Variants in GREB1L observed in about 807,000 individuals in gnomAD.
GREB1L encodes GREB1-like protein.
GREB1L carries 17 observed loss-of-function variants against 200.8 expected under a neutral mutation model. The ratio of observed to expected loss-of-function variants is 0.08; its 90% confidence interval spans 0.06 to 0.13. GREB1L has a LOEUF of 0.13. Ranked by LOEUF, GREB1L falls within the 10% of genes least tolerant of loss-of-function variation. The pLI, the probability that GREB1L is intolerant of heterozygous loss-of-function variation, is 1.00. For synonymous variants in GREB1L, 789 were observed against 893.0 expected (o/e 0.88, Z 2.08); for missense variants, 1,657 against 2,367.7 (o/e 0.70, Z 6.23).
intron 5 of GREB1L, among the ~76,000 whole-genome samples, chr18:21,396,404 C>A (rs1467349725): frequency 6.6e-6 from 1 of 152,072 alleles, no homozygotes; most frequent in Non-Finnish European, 1.5e-5. Context: ...TTTGACCAGA[C>A]ATTTTTAAAA....
At chr18:21,405,168 T>G (rs1029905193) in intron 7 of GREB1L, among the ~76,000 whole-genome samples, 7 of 152,224 alleles carry the variant, frequency 4.6e-5, no homozygotes, top group African/African-American at 1.7e-4. Context: ...GGCTCTGATC[T>G]AAGAGAATAG....
chr18:21,500,723 C>A, intron 23 of GREB1L, 81 bp downstream of exon 23: 1 of 1,012,294 alleles, frequency 9.9e-7, no homozygotes, highest in Non-Finnish European at 1.4e-6. Context: ...TTGCTTTTGG[C>A]TTCTGGGATT....
At chr18:21,503,500 C>G (rs1160362721) in intron 23 of GREB1L, among the ~76,000 whole-genome samples, 2 of 151,848 alleles carry the variant, frequency 1.3e-5, no homozygotes, top group African/African-American at 4.8e-5. Flanking sequence ...GCCACTGCAC[C>G]TGGCCACTAA....
At chr18:21,394,931 TAAAAA>T (rs745423470) in intron 4 of GREB1L, among the ~76,000 whole-genome samples, 2 of 82,672 alleles carry the variant, frequency 2.4e-5, no homozygotes, top group African/African-American at 9.9e-5. Flanking sequence ...CCATCTCTAC[TAAAAA>T]AAAAAAAAAA....
intron 1 of GREB1L, among the ~76,000 whole-genome samples, chr18:21,254,163 G>A (rs1176039488): frequency 5.5e-5 from 8 of 144,280 alleles, no homozygotes; most frequent in South Asian, 2.2e-4. Flanking sequence ...TCCACCTCCC[G>A]GGTTCAAGCG....
chr18:21,296,626 G>A (rs993916403), intron 1 of GREB1L, among the ~76,000 whole-genome samples: 3 of 151,394 alleles, frequency 2.0e-5, no homozygotes, highest in Non-Finnish European at 4.4e-5. Flanking sequence ...AAATACAACA[G>A]CACCCCAATC....
chr18:21,413,652 A>C (rs2031321671), intron 7 of GREB1L, among the ~76,000 whole-genome samples: 1 of 152,152 alleles, frequency 6.6e-6, no homozygotes, highest in Non-Finnish European at 1.5e-5. Flanking sequence ...CTAACATAGT[A>C]CCTGGCATGC....
chr18:21,326,902 T>G (rs1358578619), intron 1 of GREB1L, among the ~76,000 whole-genome samples: 1 of 152,224 alleles, frequency 6.6e-6, no homozygotes, highest in East Asian at 1.9e-4. Flanking sequence ...ATGAAGCCTT[T>G]TGGTAGATGT....
intron 17 of GREB1L, among the ~76,000 whole-genome samples, chr18:21,477,643 G>A (rs980757429): frequency 6.6e-6 from 1 of 151,858 alleles, no homozygotes; most frequent in African/African-American, 2.4e-5. Context: ...AAAATTAGCC[G>A]GGTGTGCTGG....
chr18:21,468,210 GAAAT>G (rs1444890912), intron 15 of GREB1L, among the ~76,000 whole-genome samples: 1 of 152,100 alleles, frequency 6.6e-6, no homozygotes, highest in East Asian at 1.9e-4. Flanking sequence ...ACAATAAAGA[GAAAT>G]AAAGTATTGA....
At position 21,523,337 on chromosome 18, in the gene GREB1L, A is replaced by T. The variant is rs936149815; in HGVS notation, c.*516A>T. On this transcript the variant is annotated 3_prime_UTR_variant, in exon 33 of 33. Coordinates refer to ENST00000424526, the MANE Select transcript of GREB1L (RefSeq NM_001142966.3). ...TAGAATGTAGACGATATTTGTATTTAAAAAAAGAAGTAGCTTTGTCTTTCT... is the reference window on the plus strand; with the variant it reads ...TAGAATGTAGACGATATTTGTATTTTAAAAAAGAAGTAGCTTTGTCTTTCT... The T allele has an allele frequency of 2.4e-4, 37 of 152,302 alleles. No individual in the cohort carries two copies. The highest frequency in any genetic ancestry group is 8.7e-4 in the African/African-American group (36 of 41,556). 9.4% of individuals were successfully genotyped at this position (152,302 alleles called of 1,614,324 possible). A position where few individuals can be genotyped will look rare whatever the true frequency, so the allele number is the denominator to read the frequency against.
At chr18:21,460,916 G>C (rs973434004) in intron 15 of GREB1L, among the ~76,000 whole-genome samples, 3 of 151,686 alleles carry the variant, frequency 2.0e-5, no homozygotes, top group African/African-American at 7.3e-5. Context: ...GGCCAACATA[G>C]TGAAACCCTG....
intron 7 of GREB1L, among the ~76,000 whole-genome samples, chr18:21,426,973 C>CAAAAAAAAAAAAAAAAAAAAAAAAAAAA (rs56776768): frequency 2.4e-5 from 2 of 83,788 alleles, no homozygotes; most frequent in Non-Finnish European, 3.4e-5. Flanking sequence ...AAAAAAAAAA[C>CAAAAAAAAAAAAAAAAAAAAAAAAAAAA]AAAAAAAAAA....
intron 7 of GREB1L, among the ~76,000 whole-genome samples, chr18:21,432,009 G>T (rs1449405809): frequency 7.2e-6 from 1 of 138,548 alleles, no homozygotes; most frequent in Non-Finnish European, 1.5e-5. Context: ...TGCAAGCTCC[G>T]CCTCCTGGGT....
chr18:21,304,492 T>A (rs1567929306), intron 1 of GREB1L, among the ~76,000 whole-genome samples: 1 of 152,154 alleles, frequency 6.6e-6, no homozygotes. Flanking sequence ...GTGTATGTTT[T>A]TACTATTTTT....
At chr18:21,464,569 G>A (rs891720845) in intron 15 of GREB1L, among the ~76,000 whole-genome samples, 41 of 150,726 alleles carry the variant, frequency 2.7e-4, no homozygotes, top group African/African-American at 9.7e-4. Flanking sequence ...AAAAAGTCAG[G>A]GAACAAATAT....
intron 1 of GREB1L, among the ~76,000 whole-genome samples, chr18:21,321,880 G>A (rs1476726401): frequency 1.3e-5 from 2 of 152,244 alleles, no homozygotes; most frequent in East Asian, 3.9e-4. Flanking sequence ...ACAAAAGATG[G>A]ATGTTTCTTT....
At chr18:21,282,476 G>T (rs2038285590) in intron 1 of GREB1L, among the ~76,000 whole-genome samples, 1 of 152,082 alleles carries the variant, frequency 6.6e-6, no homozygotes, top group African/African-American at 2.4e-5. Context: ...CTGATGCATA[G>T]TTATAATTAT....
chr18:21,444,468 A>G, intron 11 of GREB1L, 59 bp downstream of exon 11: 1 of 1,345,472 alleles, frequency 7.4e-7, no homozygotes, highest in Non-Finnish European at 1.0e-6. Flanking sequence ...TTTGTGATGT[A>G]CTTTTTCTTT....
Sources: allele counts gnomAD v4.1 joint callset (sites outside exome capture counted in the v4.1 genomes callset), GRCh38; gene constraint gnomAD v4.1.1; transcripts MANE v1.5; gene names NCBI Gene and HGNC (gene_info 2026-07-23, HGNC 2026-07-21).